Variants in AFF3 observed in about 807,000 individuals in gnomAD.
AFF3 encodes the protein AF4/FMR2 family member 3.
A neutral mutation model predicts 129.7 loss-of-function variants in AFF3; 32 were observed. That is an observed-to-expected ratio of 0.25 (90% CI 0.19 to 0.33). The LOEUF (loss-of-function observed/expected upper bound fraction) is 0.33, where lower values mean the gene tolerates loss of function less well. Among genes scored for constraint, AFF3 ranks in the 10% least tolerant of loss-of-function variants. The probability of loss-of-function intolerance (pLI) is 1.00; values close to 1 mark genes in which losing one functional copy is unlikely to be tolerated. For synonymous variants in AFF3, 644 were observed against 635.4 expected, an observed-to-expected ratio of 1.01 and a Z score of -0.20; for missense variants, 1,373 against 1,592.0, an observed-to-expected ratio of 0.86 and a Z score of 2.34.
At chr2:99,877,323 G>A (rs1349824034) in intron 7 of AFF3, among the ~76,000 whole-genome samples, 2 of 152,102 alleles carry the variant, frequency 1.3e-5, no homozygotes, top group Non-Finnish European at 1.5e-5. Context: ...AAGATGATGA[G>A]CTCAGTTTGG....
chr2:100,049,940 G>A (rs910224869), intron 4 of AFF3, among the ~76,000 whole-genome samples: 5 of 152,150 alleles, frequency 3.3e-5, no homozygotes, highest in Admixed American at 1.3e-4. Context: ...TCGGCCAGGC[G>A]TAGTGGCTCA....
intron 8 of AFF3, among the ~76,000 whole-genome samples, chr2:99,823,815 G>C (rs574947049): frequency 1.2e-4 from 19 of 152,340 alleles, no homozygotes; most frequent in African/African-American, 3.8e-4. Flanking sequence ...CGTGGATGGA[G>C]CTGGAGGCCA....
chr2:99,777,821 C>T (rs1447918220), intron 8 of AFF3, among the ~76,000 whole-genome samples: 1 of 151,848 alleles, frequency 6.6e-6, no homozygotes, highest in Non-Finnish European at 1.5e-5. Context: ...CTTCTACCAG[C>T]TCCCGGTGGT....
intron 11 of AFF3, among the ~76,000 whole-genome samples, chr2:99,711,654 A>C (rs757113343): frequency 5.3e-5 from 8 of 152,250 alleles, no homozygotes; most frequent in Non-Finnish European, 1.0e-4. Context: ...TTCTGAAAGA[A>C]GACGCACAGC....
At chr2:99,621,443 T>C (rs555655342) in intron 13 of AFF3, among the ~76,000 whole-genome samples, 1 of 152,316 alleles carries the variant, frequency 6.6e-6, no homozygotes, top group Admixed American at 6.5e-5. Context: ...CTTCAAGGGA[T>C]CTGCCTGCGA....
intron 8 of AFF3, among the ~76,000 whole-genome samples, chr2:99,773,481 G>T (rs1036111198): frequency 1.1e-4 from 17 of 151,858 alleles, no homozygotes; most frequent in African/African-American, 3.4e-4. Context: ...CAAACGTTTT[G>T]GGAATTCTTC....
intron 2 of AFF3, among the ~76,000 whole-genome samples, chr2:100,121,698 C>T (rs543574245): frequency 6.6e-6 from 1 of 152,242 alleles, no homozygotes; most frequent in East Asian, 1.9e-4. Context: ...CTTGTCCAGG[C>T]AGTTAGGTGG....
chr2:99,877,036 AC>A (rs1692352502), intron 7 of AFF3, among the ~76,000 whole-genome samples: 1 of 152,204 alleles, frequency 6.6e-6, no homozygotes, highest in Middle Eastern at 3.2e-3. Context: ...GGTGGAGGCT[AC>A]TAACGCTGAG....
chr2:99,617,905 T>C (rs897228784), intron 13 of AFF3, among the ~76,000 whole-genome samples: 5 of 152,052 alleles, frequency 3.3e-5, no homozygotes, highest in Admixed American at 1.3e-4. Flanking sequence ...AGGAGAGAGG[T>C]TGAAGCCCAG....
At chr2:99,720,790 T>C (rs13431191) in intron 11 of AFF3, among the ~76,000 whole-genome samples, 76,930 of 152,022 alleles carry the variant, frequency 0.51, 19,687 homozygotes, top group East Asian at 0.66. Context: ...TTCTTAGCTC[T>C]GCTGCTTTTG....
At chr2:99,641,891 T>C (rs970840524) in intron 13 of AFF3, among the ~76,000 whole-genome samples, 2 of 152,168 alleles carry the variant, frequency 1.3e-5, no homozygotes, top group African/African-American at 4.8e-5. Flanking sequence ...AGCGTTGTGG[T>C]ATACTCAGTA....
intron 8 of AFF3, among the ~76,000 whole-genome samples, chr2:99,759,806 T>C (rs114996457): frequency 1.2e-4 from 19 of 152,320 alleles, no homozygotes; most frequent in African/African-American, 4.1e-4. Context: ...TACATTAAAA[T>C]TTCACACTAG....
In AFF3 at chr2:99,587,231, C is replaced by T. The variant is rs1165379737; in HGVS notation, c.2514G>A (p.Glu838=). The T allele has an allele frequency of 3.1e-6, 5 of 1,614,182 alleles. No individual in the cohort carries two copies. Among genetic ancestry groups the T allele is most frequent in the African/African-American group, 1.3e-5 (1 of 75,042 alleles). Residue 838 remains glutamate (E), a synonymous_variant, in exon 16 of 25, where the codon GAG becomes GAA. Coordinates refer to ENST00000672756, the MANE Select transcript of AFF3 (RefSeq NM_001386135.1). ...TGGCCAGTCTTGAAGAGCTGTCTTT[C>T]TCTCCCTGGGACTTCTTGATCTCCC... The part of the protein sequence containing the change: ...DYREIKKSQG[E]KDSSSRLATS...
chr2:99,906,848 C>T (rs1031123637), intron 7 of AFF3, among the ~76,000 whole-genome samples: 8 of 150,896 alleles, frequency 5.3e-5, no homozygotes, highest in Non-Finnish European at 7.4e-5. Context: ...CCATATTACA[C>T]ACACACACAC....
intron 5 of AFF3, among the ~76,000 whole-genome samples, chr2:100,008,130 C>G (rs943641562): frequency 6.6e-6 from 1 of 152,118 alleles, no homozygotes; most frequent in Admixed American, 6.6e-5. Context: ...ATTGTAGTCC[C>G]GTTAGAAGCT....
chr2:99,601,601 T>C lies in AFF3; in HGVS notation c.1205A>G (p.Asn402Ser). The change falls in exon 14 of 25, where the codon AAC becomes AGC. Residue 402 changes from asparagine (N) to serine (S), a missense_variant. By Grantham distance (46) the Asn-to-Ser change is conservative. This residue lies in a region of AFF3 where 413 missense variants were observed against 424.4 expected (regional missense o/e 0.97). Transcript: ENST00000672756. ...LSDSAVVQQP[N>S]CRTSVPSSKG... Reference sequence around the variant, plus strand: ...GCTGGAAGGCACCGAGGTTCTGCAGTTGGGCTGCTGGACCACGGCGCTGCC... The same window carrying C: ...GCTGGAAGGCACCGAGGTTCTGCAGCTGGGCTGCTGGACCACGGCGCTGCC... The C allele has an allele frequency of 6.3e-7, 1 of 1,597,322 alleles. No homozygotes were observed. Among genetic ancestry groups the C allele is most frequent in the South Asian group, 1.1e-5 (1 of 89,310 alleles).
chr2:99,752,161 G>T, intron 9 of AFF3, 60 bp downstream of exon 9: 2 of 1,420,630 alleles, frequency 1.4e-6, no homozygotes, highest in Non-Finnish European at 2.0e-6. Flanking sequence ...AAAGCCCACT[G>T]CCCACTAGAA....
intron 2 of AFF3, among the ~76,000 whole-genome samples, chr2:100,107,681 C>T (rs1691365403): frequency 6.6e-6 from 1 of 152,072 alleles, no homozygotes; most frequent in Non-Finnish European, 1.5e-5. Context: ...CTTCCCGGGT[C>T]AGGTTGGTTG....
chr2:99,788,540 T>G (rs1428947659), intron 8 of AFF3, among the ~76,000 whole-genome samples: 1 of 152,244 alleles, frequency 6.6e-6, no homozygotes, highest in Admixed American at 6.5e-5. Context: ...TCGTACAGTG[T>G]TGTTTGTGCT....
Sources: gnomAD v4.1 joint callset for allele counts (sites outside exome capture counted in the v4.1 genomes callset) on GRCh38, gnomAD v4.1.1 for gene constraint, gnomAD v4.1.1 regional missense constraint, MANE v1.5 for transcripts, NCBI Gene and HGNC (gene_info 2026-07-23, HGNC 2026-07-21) for gene names.